VIPR1: variants seen among roughly 807,000 people sequenced by gnomAD.
The protein encoded by VIPR1 is vasoactive intestinal peptide receptor 1, also known as vasoactive intestinal polypeptide receptor 1.
A neutral mutation model predicts 58.8 loss-of-function variants in VIPR1; 59 were observed. The ratio of observed to expected loss-of-function variants is 1.00; its 90% CI spans 0.81 to 1.25. VIPR1 has a LOEUF of 1.25. Ranked by LOEUF, VIPR1 falls within the 50% of genes most tolerant of loss-of-function variation. The pLI is 0.00. For missense variants in VIPR1, 626 were observed against 602.7 expected, an observed-to-expected ratio of 1.04 and a Z score of -0.40; for synonymous variants, 251 against 242.1, an observed-to-expected ratio of 1.04 and a Z score of -0.34.
chr3:42,500,687 A>G (rs1022853554), upstream of VIPR1, among the ~76,000 whole-genome samples: 6 of 152,192 alleles, frequency 3.9e-5, no homozygotes, highest in African/African-American at 1.4e-4. Flanking sequence ...GAGACGGGGT[A>G]CACAGGGTCA....
intron 12 of VIPR1, 151 bp downstream of exon 12, chr3:42,535,535 C>T: frequency 1.2e-6 from 1 of 816,980 alleles, no homozygotes; most frequent in South Asian, 1.6e-5. Flanking sequence ...GTCACCTAGG[C>T]CCTTGTTAAA....
In VIPR1 at chr3:42,531,551, A is replaced by G. The variant is rs189528908; in HGVS notation, c.851+20A>G. 1 of 1,589,484 alleles carries G rather than the reference A, an allele frequency of 6.3e-7. No individual in the cohort carries two copies. The highest frequency in any genetic ancestry group is 8.6e-7 in the Non-Finnish European group (1 of 1,167,568). ...TTATGGGTGAGCTGCTGCCCCACAC[A>G]CTCCCCCGGCCGCCATCACTTGGGC... On this transcript the variant is annotated intron_variant, in intron 8 of 12. Transcript: ENST00000325123.
chr3:42,529,112 G>A (rs1379764885), intron 6 of VIPR1, among the ~76,000 whole-genome samples: 2 of 152,114 alleles, frequency 1.3e-5, no homozygotes, highest in East Asian at 1.9e-4. Context: ...TCATTACTGC[G>A]AAGCTTTTCT....
chr3:42,535,264 G>C, intron 11 of VIPR1, 79 bp from the exon 12 acceptor site: 1 of 1,600,098 alleles, frequency 6.2e-7, no homozygotes, highest in African/African-American at 1.3e-5. Context: ...GGGGAACACA[G>C]GGGCTGGAGC....
intron 1 of VIPR1, chr3:42,512,637 C>T (rs1392548933): frequency 1.5e-6 from 1 of 687,436 alleles, no homozygotes; most frequent in Non-Finnish European, 1.8e-6. Context: ...GGTAAGGACC[C>T]TGTCCCAGGG....
At chr3:42,493,562 A>G (rs1415621144) in intron 1 of VIPR1, among the ~76,000 whole-genome samples, 2 of 152,094 alleles carry the variant, frequency 1.3e-5, no homozygotes, top group East Asian at 3.9e-4. Flanking sequence ...GGCTTCCCCA[A>G]CCTAACTCAG....
chr3:42,526,409 C>A (rs997325817), intron 4 of VIPR1, among the ~76,000 whole-genome samples: 22 of 152,208 alleles, frequency 1.4e-4, no homozygotes, highest in African/African-American at 5.3e-4. Flanking sequence ...AGGGACAGAG[C>A]CTGTCATTCT....
intron 1 of VIPR1, among the ~76,000 whole-genome samples, chr3:42,495,495 G>A (rs1373949463): frequency 6.6e-6 from 1 of 151,990 alleles, no homozygotes; most frequent in East Asian, 1.9e-4. Flanking sequence ...CCTGTGGTTG[G>A]CAGAATTCTA....
chr3:42,495,483 C>T (rs182679180), intron 1 of VIPR1, among the ~76,000 whole-genome samples: 132 of 152,158 alleles, frequency 8.7e-4, no homozygotes, highest in Non-Finnish European at 1.6e-3. Flanking sequence ...CTGTGTATCC[C>T]TCCTGTGGTT....
chr3:42,533,471 G>C (rs1701684379), intron 10 of VIPR1: 1 of 152,072 alleles, frequency 6.6e-6, no homozygotes, highest in Non-Finnish European at 1.5e-5. Flanking sequence ...AGCACATCGG[G>C]CCTGTGCACC....
chr3:42,504,298 G>T (rs1421039839), intron 1 of VIPR1, among the ~76,000 whole-genome samples: 1 of 152,078 alleles, frequency 6.6e-6, no homozygotes, highest in East Asian at 1.9e-4. Context: ...ATTCAGAGAG[G>T]TCTCCTTTCA....
In VIPR1 at chr3:42,536,177, G is replaced by A. The variant is rs762819489; in HGVS notation, c.1270G>A (p.Gly424Ser). The change falls in exon 13 of 13, where the codon GGC becomes AGC. Residue 424 changes from glycine to serine, a missense_variant. Gly to Ser is a moderately conservative substitution (Grantham distance 56, BLOSUM62 0). Coordinates refer to ENST00000325123, the MANE Select transcript of VIPR1 (RefSeq NM_004624.4). ...WNPKYRHPSG[G>S]SNGATCSTQV... Reference sequence around the variant, plus strand: ...CCCCAAATACCGGCACCCGTCGGGAGGCAGCAACGGCGCCACGTGCAGCAC... The same window carrying A: ...CCCCAAATACCGGCACCCGTCGGGAAGCAGCAACGGCGCCACGTGCAGCAC... 6.2e-7 allele frequency: 1 copy of A among 1,606,434 alleles called. No homozygotes were observed. Among genetic ancestry groups the A allele is most frequent in the Non-Finnish European group, 8.5e-7 (1 of 1,177,228 alleles).
upstream of VIPR1, among the ~76,000 whole-genome samples, chr3:42,499,153 T>C (rs1316129486): frequency 6.6e-6 from 1 of 152,196 alleles, no homozygotes; most frequent in Non-Finnish European, 1.5e-5. Flanking sequence ...CCTAGAGCAG[T>C]GACTCCCCCA....
chr3:42,525,880 C>A lies in VIPR1; in HGVS notation c.293-7C>A. On this transcript the variant is annotated splice_polypyrimidine_tract_variant and splice_region_variant and intron_variant, in intron 3 of 12. Transcript: ENST00000325123. Reference sequence around the variant, plus strand: ...AGCCTTTGTCCTTGCCCCTGCCCTCCACCCAGGCCGCAATGTAAGCCGCAG... The same window carrying A: ...AGCCTTTGTCCTTGCCCCTGCCCTCAACCCAGGCCGCAATGTAAGCCGCAG... 2 of 1,603,544 alleles carry A rather than the reference C, an allele frequency of 1.2e-6. No individual in the cohort carries two copies. Among genetic ancestry groups the A allele is most frequent in the Non-Finnish European group, 1.7e-6 (2 of 1,175,364 alleles).
At chr3:42,533,382 T>C (rs1435018565) in intron 10 of VIPR1, 1 of 120,986 alleles carries the variant, frequency 8.3e-6, no homozygotes, top group Non-Finnish European at 1.6e-5. Flanking sequence ...CTGCCAGGTG[T>C]GTAGGCGGAG....
rs112325797 is a variant in VIPR1, at chr3:42,489,898, C to T, written c.-245+220C>T. ...CCTTCTGCTTTCTACCTTCTCTCCACTCTCCCACCATAGGTTACACACACA... is the reference window on the plus strand; with the variant it reads ...CCTTCTGCTTTCTACCTTCTCTCCATTCTCCCACCATAGGTTACACACACA... On this transcript the variant is annotated intron_variant, in intron 1 of 13. Coordinates refer to the VIPR1 transcript ENST00000433647. 3.9e-3 allele frequency among the ~76,000 whole-genome samples: 592 copies of T among 152,276 alleles called. 7 individuals carry two copies. Among genetic ancestry groups the T allele is most frequent in the African/African-American group, 0.013 (556 of 41,560 alleles).
In VIPR1 at chr3:42,502,686, G is replaced by A. The variant is rs1577196536; in HGVS notation, c.-50G>A. 1 of 1,259,080 alleles carries A rather than the reference G, an allele frequency of 7.9e-7. No homozygotes were observed. The highest frequency in any genetic ancestry group is 1.0e-6 in the Non-Finnish European group (1 of 1,002,480). The allele number at this position is 1,259,080 out of a possible 1,614,324, so 78.0% of individuals were successfully genotyped here. A position where few individuals can be genotyped will look rare whatever the true frequency, so the allele number is the denominator to read the frequency against. The stretch of plus-strand genomic sequence containing the variant: ...CCATCGCCCGCCTGGTGCGCCGCCC[G>A]CCAGCTCTTTGCCCGCGCGGGGCCG... On this transcript the variant is annotated 5_prime_UTR_variant, in exon 1 of 13. Coordinates refer to ENST00000325123, the MANE Select transcript of VIPR1 (RefSeq NM_004624.4).
intron 3 of VIPR1, among the ~76,000 whole-genome samples, chr3:42,523,414 C>T (rs1005434463): frequency 6.6e-6 from 1 of 152,174 alleles, no homozygotes; most frequent in Non-Finnish European, 1.5e-5. Context: ...TTGGCCGCTG[C>T]TGGGAGCCCA....
chr3:42,502,483 T>G (rs912437483), upstream of VIPR1: 1 of 346,196 alleles, frequency 2.9e-6, no homozygotes, highest in African/African-American at 2.1e-5. Flanking sequence ...GAGCAGAGCT[T>G]CCTCACTGGC....
Sources: allele counts gnomAD v4.1 joint callset (sites outside exome capture counted in the v4.1 genomes callset), GRCh38; gene constraint gnomAD v4.1.1; transcripts MANE v1.5; gene names NCBI Gene and HGNC (gene_info 2026-07-23, HGNC 2026-07-21).